The following BTG4 variants were observed in gnomAD, a reference collection of about 807,000 sequenced individuals.
BTG4 encodes the protein BTG anti-proliferation factor 4, also known as protein BTG4.
Under a neutral mutation model 19.3 loss-of-function variants are expected in BTG4, and 10 were observed. That is an observed-to-expected ratio of 0.52 (90% CI 0.32 to 0.88). The LOEUF (loss-of-function observed/expected upper bound fraction) is 0.88. Ranked by LOEUF, BTG4 falls within the 40% of genes least tolerant of loss-of-function variation. The pLI is 0.04. For missense variants in BTG4, 238 were observed against 281.9 expected (o/e 0.84, Z 1.11); for synonymous variants, 91 against 95.7 (o/e 0.95, Z 0.29).
At chr11:111,472,701 C>T (rs1324277068) in intron 5 of BTG4, among the ~76,000 whole-genome samples, 1 of 152,178 alleles carries the variant, frequency 6.6e-6, no homozygotes, top group Non-Finnish European at 1.5e-5. Flanking sequence ...ATATCCTTTC[C>T]TAACACACTA....
At chr11:111,438,810 T>C in the BTG4 span, among the ~76,000 whole-genome samples, 105 of 152,344 alleles carry the variant, frequency 6.9e-4, no homozygotes, top group African/African-American at 2.4e-3. Flanking sequence ...CGTGATGTGG[T>C]CAGGGGGTCC....
the BTG4 span, among the ~76,000 whole-genome samples, chr11:111,451,770 A>C: frequency 3.3e-5 from 5 of 152,330 alleles, no homozygotes; most frequent in Admixed American, 3.3e-4. Context: ...GTCTCAAAAA[A>C]AAAATAAATA....
the BTG4 span, among the ~76,000 whole-genome samples, chr11:111,436,782 C>G: frequency 6.6e-6 from 1 of 152,244 alleles, no homozygotes; most frequent in Non-Finnish European, 1.5e-5. Flanking sequence ...CACCTTCCCG[C>G]GCCTGCCCCT....
intron 5 of BTG4, among the ~76,000 whole-genome samples, chr11:111,473,661 G>A (rs977645071): frequency 1.3e-5 from 2 of 152,024 alleles, no homozygotes; most frequent in South Asian, 2.1e-4. Flanking sequence ...TGGTCATCAG[G>A]GAAATTTAAA....
intron 5 of BTG4, among the ~76,000 whole-genome samples, chr11:111,483,219 C>G (rs1433350874): frequency 6.6e-6 from 1 of 152,184 alleles, no homozygotes; most frequent in East Asian, 1.9e-4. Flanking sequence ...GATCACAACA[C>G]TCAATCCCCT....
chr11:111,401,212 C>T, the BTG4 span, among the ~76,000 whole-genome samples: 14 of 151,970 alleles, frequency 9.2e-5, 1 homozygote, highest in East Asian at 1.3e-3. Flanking sequence ...TGGGGCCAGG[C>T]GCAGTGGCTC....
the BTG4 span, among the ~76,000 whole-genome samples, chr11:111,388,042 T>C: frequency 6.6e-6 from 1 of 152,206 alleles, no homozygotes; most frequent in Non-Finnish European, 1.5e-5. Context: ...AAATACTTAT[T>C]GAGCACAAAC....
At chr11:111,453,353 G>A in the BTG4 span, 22 of 408,024 alleles carry the variant, frequency 5.4e-5, no homozygotes, top group Admixed American at 4.7e-4. Context: ...CTTCAGGAAG[G>A]ATGCTGCTCC....
In BTG4 at chr11:111,495,095, C is replaced by A. The variant is rs1865636160; in HGVS notation, c.*40G>T. 1 of 1,471,194 alleles carries A rather than the reference C, an allele frequency of 6.8e-7. No individual in the cohort carries two copies. Among genetic ancestry groups the A allele is most frequent in the African/African-American group, 1.4e-5 (1 of 69,852 alleles). The allele number at this position is 1,471,194 out of a possible 1,614,324, so 91.1% of individuals were successfully genotyped here. A position where few individuals can be genotyped will look rare whatever the true frequency, so the allele number is the denominator to read the frequency against. The stretch of plus-strand genomic sequence containing the variant: ...TTTTATTTTAGAGAGAATAAAGGCA[C>A]TCCTCTGAGCTCTTGCCCACCACGT... On this transcript the variant is annotated 3_prime_UTR_variant, in exon 5 of 5. Transcript: ENST00000692032.
At chr11:111,480,215 C>G (rs925430114) in intron 5 of BTG4, among the ~76,000 whole-genome samples, 1 of 152,028 alleles carries the variant, frequency 6.6e-6, no homozygotes, top group Admixed American at 6.6e-5. Flanking sequence ...ATAAAGCCGA[C>G]ATCACAGCAA....
the BTG4 span, among the ~76,000 whole-genome samples, chr11:111,435,816 C>T: frequency 1.3e-5 from 2 of 152,154 alleles, no homozygotes; most frequent in Non-Finnish European, 2.9e-5. Context: ...ACCCCACCCG[C>T]CCTAAGCCAT....
the BTG4 span, among the ~76,000 whole-genome samples, chr11:111,447,665 C>T: frequency 8.1e-4 from 123 of 152,300 alleles, no homozygotes; most frequent in African/African-American, 2.7e-3. Context: ...CAGATGGAGG[C>T]ATTCCTCCGG....
the BTG4 span, among the ~76,000 whole-genome samples, chr11:111,444,587 A>G: frequency 3.9e-5 from 6 of 152,210 alleles, no homozygotes; most frequent in African/African-American, 1.4e-4. Flanking sequence ...GCACATTTTA[A>G]ACTAACTTAA....
the BTG4 span, among the ~76,000 whole-genome samples, chr11:111,456,280 C>T: frequency 1.3e-5 from 2 of 152,238 alleles, no homozygotes; most frequent in East Asian, 1.9e-4. The surrounding 1 kb of genome is among the most constrained non-coding windows in gnomAD (Gnocchi z 4.2). Context: ...CACCATTTCC[C>T]GAGGCTTTTC....
At chr11:111,481,988 A>G (rs1288819279) in intron 5 of BTG4, among the ~76,000 whole-genome samples, 2 of 152,008 alleles carry the variant, frequency 1.3e-5, no homozygotes, top group African/African-American at 2.4e-5. Context: ...CACAAAAAAA[A>G]GAAATAAAAT....
At chr11:111,425,166 G>A in the BTG4 span, among the ~76,000 whole-genome samples, 8 of 152,062 alleles carry the variant, frequency 5.3e-5, no homozygotes, top group African/African-American at 1.4e-4. Flanking sequence ...CAGGCAGAAC[G>A]TGTGCAAAGG....
intron 5 of BTG4, chr11:111,467,796 A>G (rs1863810179): frequency 1.6e-6 from 1 of 623,412 alleles, no homozygotes; most frequent in African/African-American, 1.9e-5. Flanking sequence ...AAGGCATAAT[A>G]AATGTCACAG....
chr11:111,392,169 CTTTTTTTTTTTT>C, the BTG4 span, among the ~76,000 whole-genome samples: 2 of 85,450 alleles, frequency 2.3e-5, no homozygotes, highest in African/African-American at 4.7e-5. Context: ...CTGTGATTTT[CTTTTTTTTTTTT>C]TTTTTTTTTT....
the BTG4 span, among the ~76,000 whole-genome samples, chr11:111,421,613 G>A: frequency 2.2e-4 from 34 of 152,272 alleles, no homozygotes; most frequent in South Asian, 2.1e-3. Context: ...ATAAACTAAG[G>A]CTTACAAAAA....
Sources: allele counts gnomAD v4.1 joint callset (sites outside exome capture counted in the v4.1 genomes callset), GRCh38; gene constraint gnomAD v4.1.1; non-coding constraint Gnocchi (gnomAD v3.1); transcripts MANE v1.5; gene names NCBI Gene and HGNC (gene_info 2026-07-23, HGNC 2026-07-21).